The following TMEM229B variants were observed in gnomAD, a reference collection of about 807,000 sequenced individuals.
The protein encoded by TMEM229B is transmembrane protein 229B.
Under a neutral mutation model 13.7 loss-of-function variants are expected in TMEM229B, and 6 were observed. The observed-to-expected ratio is 0.44, with a 90% CI of 0.24 to 0.86. The LOEUF is 0.86. Among genes scored for constraint, TMEM229B ranks in the 40% least tolerant of loss-of-function variants. The pLI is 0.23. For synonymous variants in TMEM229B, 107 were observed against 102.1 expected, an observed-to-expected ratio of 1.05 and a Z score of -0.29; for missense variants, 170 against 236.0, an observed-to-expected ratio of 0.72 and a Z score of 1.83.
At chr14:67,498,490 G>A (rs1169098028) in intron 1 of TMEM229B, among the ~76,000 whole-genome samples, 1 of 152,068 alleles carries the variant, frequency 6.6e-6, no homozygotes, top group Non-Finnish European at 1.5e-5. Flanking sequence ...GCATTATACT[G>A]ACTCTTAAAA....
rs938278195 is a variant in TMEM229B at position 67,500,664 on chromosome 14, C to G, written c.-191-13492G>C. On this transcript the variant is annotated intron_variant, in intron 1 of 2. Transcript: ENST00000357461. ...TCGGCTCACTGCAACCTCCACCTCC[C>G]AGGTTCATGCCATTCTCCTGTCTCA... Among the ~76,000 whole-genome samples, 12 of 151,154 alleles carry G rather than the reference C, an allele frequency of 7.9e-5. No individual in the cohort carries two copies. In the East Asian group the frequency reaches 2.4e-3, roughly 30 times the overall value.
intron 1 of TMEM229B, among the ~76,000 whole-genome samples, chr14:67,494,334 A>G (rs1330769643): frequency 6.6e-6 from 1 of 152,246 alleles, no homozygotes; most frequent in Non-Finnish European, 1.5e-5. Flanking sequence ...AGCCTGAGAA[A>G]GGCCGAGAAG....
chr14:67,473,302 A>T lies in TMEM229B; in HGVS notation c.*118T>A, dbSNP rs923553441. 8 of 1,416,820 alleles carry T rather than the reference A, an allele frequency of 5.6e-6. No homozygotes were observed. The highest frequency in any genetic ancestry group is 7.7e-6 in the Non-Finnish European group (8 of 1,038,126). 87.8% of individuals were successfully genotyped at this position (1,416,820 alleles called of 1,614,324 possible). A position where few individuals can be genotyped will look rare whatever the true frequency, so the allele number is the denominator to read the frequency against. On this transcript the variant is annotated 3_prime_UTR_variant, in exon 3 of 3. Coordinates refer to ENST00000554480, the MANE Select transcript of TMEM229B (RefSeq NM_001348543.2). The surrounding 1 kb of genome is among the most constrained non-coding windows in gnomAD (Gnocchi z 6.5). ...CGTTAGGGGGCTCTGTGTGCCCTAT[A>T]GGGCTGAGGCTTGGCCGGAGCAGGG...
intron 1 of TMEM229B, among the ~76,000 whole-genome samples, chr14:67,506,355 C>T (rs1232976406): frequency 6.6e-6 from 1 of 152,034 alleles, no homozygotes; most frequent in African/African-American, 2.4e-5. Context: ...AGAACTAATC[C>T]CACTGGATAA....
At chr14:67,503,482 A>G (rs777669676) in intron 1 of TMEM229B, 4 of 152,138 alleles carry the variant, frequency 2.6e-5, no homozygotes, top group African/African-American at 4.8e-5. Context: ...AAGGACGTCA[A>G]TTACCTCCTA....
intron 2 of TMEM229B, among the ~76,000 whole-genome samples, chr14:67,476,519 G>A (rs752645159): frequency 3.3e-4 from 50 of 152,080 alleles, no homozygotes; most frequent in East Asian, 1.9e-4. Flanking sequence ...CCCAGGAGGC[G>A]GAGGTTGCAG....
upstream of TMEM229B, among the ~76,000 whole-genome samples, chr14:67,519,853 G>C (rs2033265395): frequency 6.6e-6 from 1 of 151,962 alleles, no homozygotes; most frequent in Non-Finnish European, 1.5e-5. Context: ...CTCCCATGTA[G>C]CTGGGACTAC....
intron 1 of TMEM229B, among the ~76,000 whole-genome samples, chr14:67,506,465 A>T (rs543551443): frequency 6.6e-6 from 1 of 152,312 alleles, no homozygotes; most frequent in East Asian, 1.9e-4. Flanking sequence ...TATTAAAATG[A>T]AATGTTTGTC....
At chr14:67,483,100 G>A (rs888203283) in intron 2 of TMEM229B, among the ~76,000 whole-genome samples, 4 of 151,850 alleles carry the variant, frequency 2.6e-5, no homozygotes, top group East Asian at 1.9e-4. Context: ...AACCTCTGTC[G>A]CCCGGGTTCA....
upstream of TMEM229B, among the ~76,000 whole-genome samples, chr14:67,515,985 G>A (rs548915262): frequency 1.3e-5 from 2 of 152,356 alleles, no homozygotes; most frequent in South Asian, 4.1e-4. Context: ...TACCATAAAG[G>A]TTACAGAGAA....
At chr14:67,480,626 G>C (rs568487060) in intron 2 of TMEM229B, among the ~76,000 whole-genome samples, 1 of 152,202 alleles carries the variant, frequency 6.6e-6, no homozygotes, top group East Asian at 1.9e-4. Context: ...GAGACCTCTG[G>C]ACCTCCTACC....
Position 67,473,689 on chromosome 14 carries a change from T to C in TMEM229B, c.235A>G (p.Ile79Val), listed in dbSNP as rs1566669099. ...CACAGGTAGGTCCAGAGCGTGTAGA[T>C]GAGGCAGCGCAGGAGCAGCGGGCAG... Reference protein sequence around the residue: ...GRCPLLLRCLIYTLWTYLWEF... With the variant: ...GRCPLLLRCLVYTLWTYLWEF... Residue 79 changes from isoleucine to valine, a missense_variant, in exon 3 of 3, where the codon ATC becomes GTC. By Grantham distance (29) the Ile-to-Val change is conservative. Transcript: ENST00000554480. This position sits in a 1 kb window ranked among gnomAD's most constrained non-coding sequence, Gnocchi z 6.5. 6.3e-7 allele frequency: 1 copy of C among 1,588,302 alleles called. No individual in the cohort carries two copies.
At chr14:67,517,682 A>AGGG (rs1275516222), upstream of TMEM229B, among the ~76,000 whole-genome samples, 1 of 152,160 alleles carries the variant, frequency 6.6e-6, no homozygotes, top group East Asian at 1.9e-4. Context: ...TCCTTACATT[A>AGGG]GGGATCATTT....
intron 1 of TMEM229B, among the ~76,000 whole-genome samples, chr14:67,522,128 G>C (rs901935641): frequency 1.3e-5 from 2 of 152,172 alleles, no homozygotes; most frequent in African/African-American, 4.8e-5. Context: ...AGCTGAGATC[G>C]TGCCACTGCA....
At chr14:67,508,766 A>C (rs893015576) in intron 1 of TMEM229B, among the ~76,000 whole-genome samples, 1 of 150,780 alleles carries the variant, frequency 6.6e-6, no homozygotes, top group Non-Finnish European at 1.5e-5. Flanking sequence ...AAAAAAAAAA[A>C]AAAAACAGAA....
At chr14:67,500,863 G>A (rs186583877) in intron 1 of TMEM229B, among the ~76,000 whole-genome samples, 4 of 151,678 alleles carry the variant, frequency 2.6e-5, no homozygotes, top group Non-Finnish European at 5.9e-5. Flanking sequence ...GAGCCACCGC[G>A]CCTGGCCTGG....
intron 2 of TMEM229B, among the ~76,000 whole-genome samples, chr14:67,478,952 G>A (rs1038566415): frequency 3.3e-5 from 5 of 152,114 alleles, no homozygotes; most frequent in South Asian, 2.1e-4. Context: ...ACCTAACTCC[G>A]ATTCTGCAAA....
At chr14:67,531,531 A>G (rs764829734) in intron 1 of TMEM229B, among the ~76,000 whole-genome samples, 3 of 151,856 alleles carry the variant, frequency 2.0e-5, no homozygotes, top group Non-Finnish European at 4.4e-5. Flanking sequence ...TCTGCCCTCT[A>G]CAGAAGTAAC....
At chr14:67,512,129 A>T (rs2033047579) in intron 1 of TMEM229B, among the ~76,000 whole-genome samples, 1 of 152,198 alleles carries the variant, frequency 6.6e-6, no homozygotes, top group South Asian at 2.1e-4. Flanking sequence ...TTGATTTTAA[A>T]TGCTCTTAAA....
Sources: allele counts gnomAD v4.1 joint callset (sites outside exome capture counted in the v4.1 genomes callset), GRCh38; gene constraint gnomAD v4.1.1; non-coding constraint Gnocchi (gnomAD v3.1); transcripts MANE v1.5; gene names NCBI Gene and HGNC (gene_info 2026-07-23, HGNC 2026-07-21).